Variants in PRKCA observed in about 807,000 individuals in gnomAD.
The protein encoded by PRKCA is protein kinase C alpha.
In PRKCA, 27 loss-of-function variants were observed where a neutral mutation model predicts 87.0. That is an observed-to-expected ratio of 0.31 (90% CI 0.23 to 0.43). PRKCA has a LOEUF of 0.43. Among genes scored for constraint, PRKCA ranks in the 20% least tolerant of loss-of-function variants. The pLI, the probability that PRKCA is intolerant of heterozygous loss-of-function variation, is 1.00. For synonymous variants in PRKCA, 329 were observed against 311.1 expected (o/e 1.06, Z -0.61); for missense variants, 518 against 852.3 (o/e 0.61, Z 4.88).
intron 2 of PRKCA, among the ~76,000 whole-genome samples, chr17:66,350,582 G>A (rs2143418053): frequency 6.6e-6 from 1 of 152,168 alleles, no homozygotes; most frequent in South Asian, 2.1e-4. Context: ...CAGTGCAGTG[G>A]CACCGTCGTG....
chr17:66,559,112 A>G (rs1290512985), intron 3 of PRKCA, among the ~76,000 whole-genome samples: 2 of 152,090 alleles, frequency 1.3e-5, no homozygotes, highest in Admixed American at 6.6e-5. Context: ...CTGGACTGGG[A>G]AAGTTTTGGG....
intron 5 of PRKCA, among the ~76,000 whole-genome samples, chr17:66,679,320 A>G (rs919118134): frequency 2.0e-5 from 3 of 151,948 alleles, no homozygotes; most frequent in Admixed American, 1.3e-4. Flanking sequence ...AGCTGTGACT[A>G]CAGGCGTCCG....
chr17:66,545,760 T>C (rs937226612), intron 3 of PRKCA, among the ~76,000 whole-genome samples: 3 of 152,198 alleles, frequency 2.0e-5, no homozygotes, highest in African/African-American at 7.2e-5. Flanking sequence ...ATAGAAATCA[T>C]AGTCAGTGCA....
intron 3 of PRKCA, among the ~76,000 whole-genome samples, chr17:66,615,039 C>G (rs1285791030): frequency 1.3e-5 from 2 of 152,116 alleles, no homozygotes; most frequent in Non-Finnish European, 2.9e-5. Flanking sequence ...TTGTACCATA[C>G]AAGCCCAGGG....
At chr17:66,524,758 A>G (rs1283759080) in intron 3 of PRKCA, among the ~76,000 whole-genome samples, 1 of 152,196 alleles carries the variant, frequency 6.6e-6, no homozygotes, top group Non-Finnish European at 1.5e-5. Context: ...ACGCTTGCCT[A>G]TTGCCCCAGG....
chr17:66,655,592 T>C (rs908381432), intron 5 of PRKCA, among the ~76,000 whole-genome samples: 1 of 152,246 alleles, frequency 6.6e-6, no homozygotes, highest in Admixed American at 6.5e-5. Context: ...GTGTGTTTAT[T>C]TACATGTTGA....
chr17:66,510,773 TCTCA>T (rs1013283296), intron 3 of PRKCA, among the ~76,000 whole-genome samples: 1 of 152,010 alleles, frequency 6.6e-6, no homozygotes, highest in Non-Finnish European at 1.5e-5. Context: ...TGAGATGGGG[TCTCA>T]CTCTGTCGCC....
intron 2 of PRKCA, among the ~76,000 whole-genome samples, chr17:66,342,314 C>T (rs1907082709): frequency 6.6e-6 from 1 of 151,876 alleles, no homozygotes; most frequent in Non-Finnish European, 1.5e-5. Flanking sequence ...CCCAGCTACT[C>T]AGGAGGCTGA....
chr17:66,640,776 C>T (rs1971270905), intron 3 of PRKCA, among the ~76,000 whole-genome samples: 1 of 152,168 alleles, frequency 6.6e-6, no homozygotes, highest in African/African-American at 2.4e-5. Flanking sequence ...CTTTGGTGAC[C>T]ATAGCTCCAG....
At chr17:66,796,981 G>C in intron 16 of PRKCA, 2 of 984,854 alleles carry the variant, frequency 2.0e-6, no homozygotes, top group Non-Finnish European at 2.4e-6. Flanking sequence ...TCTTCTTCTG[G>C]GTTTTGTTTG....
At chr17:66,304,122 A>G (rs966091593) in intron 1 of PRKCA, among the ~76,000 whole-genome samples, 1 of 152,216 alleles carries the variant, frequency 6.6e-6, no homozygotes, top group African/African-American at 2.4e-5. Flanking sequence ...GGTAATCGCC[A>G]ATGAATTCAG....
At chr17:66,622,616 G>A (rs1970718263) in intron 3 of PRKCA, among the ~76,000 whole-genome samples, 1 of 152,118 alleles carries the variant, frequency 6.6e-6, no homozygotes, top group African/African-American at 2.4e-5. Flanking sequence ...ATAAACAAGG[G>A]AACTGACTTG....
intron 5 of PRKCA, among the ~76,000 whole-genome samples, chr17:66,658,701 T>G (rs866352992): frequency 1.3e-5 from 2 of 152,306 alleles, no homozygotes; most frequent in Non-Finnish European, 2.9e-5. Context: ...GAATACGTAT[T>G]AGGGGTTGTT....
At chr17:66,573,901 G>T (rs1417695097) in intron 3 of PRKCA, among the ~76,000 whole-genome samples, 3 of 152,170 alleles carry the variant, frequency 2.0e-5, no homozygotes, top group African/African-American at 7.2e-5. Flanking sequence ...GAGACTGGAG[G>T]ATCACTTGAG....
intron 2 of PRKCA, among the ~76,000 whole-genome samples, chr17:66,446,564 T>C (rs899176800): frequency 6.6e-6 from 1 of 152,198 alleles, no homozygotes; most frequent in Non-Finnish European, 1.5e-5. Context: ...GAACCCCATC[T>C]AGATTGTGGT....
intron 2 of PRKCA, among the ~76,000 whole-genome samples, chr17:66,466,409 G>A (rs897027271): frequency 3.9e-5 from 6 of 152,158 alleles, no homozygotes; most frequent in South Asian, 4.1e-4. Flanking sequence ...CACAAGCCAC[G>A]GGCCTTGGGA....
intron 3 of PRKCA, among the ~76,000 whole-genome samples, chr17:66,531,963 G>C (rs7225350): frequency 0.027 from 4,187 of 152,266 alleles, 174 homozygotes; most frequent in African/African-American, 0.095. Flanking sequence ...CTTCTAGGCT[G>C]AGGAGCTAAG....
At chr17:66,659,954 A>T (rs1971846885) in intron 5 of PRKCA, among the ~76,000 whole-genome samples, 1 of 152,186 alleles carries the variant, frequency 6.6e-6, no homozygotes, top group Admixed American at 6.5e-5. Context: ...TGGAGGTTAC[A>T]GTCGAAGTCA....
At chr17:66,336,063 C>A (rs1309744691) in intron 2 of PRKCA, among the ~76,000 whole-genome samples, 1 of 152,166 alleles carries the variant, frequency 6.6e-6, no homozygotes, top group African/African-American at 2.4e-5. Flanking sequence ...GATATGTCAT[C>A]ATTGTTTCAA....
Sources: allele counts gnomAD v4.1 joint callset (sites outside exome capture counted in the v4.1 genomes callset), GRCh38; gene constraint gnomAD v4.1.1; transcripts MANE v1.5; gene names NCBI Gene and HGNC (gene_info 2026-07-23, HGNC 2026-07-21).